Variants in HMG20A observed in about 807,000 individuals in gnomAD.
HMG20A encodes the protein high mobility group protein 20A.
HMG20A carries 17 observed loss-of-function variants against 43.9 expected under a neutral mutation model. The observed-to-expected ratio is 0.39, with a 90% CI of 0.27 to 0.58. The LOEUF (loss-of-function observed/expected upper bound fraction) is 0.58. HMG20A is among the 20% of genes least tolerant of loss of function. The probability of loss-of-function intolerance (pLI) is 0.59; values close to 1 mark genes in which losing one functional copy is unlikely to be tolerated. For missense variants in HMG20A, 341 were observed against 438.2 expected, an observed-to-expected ratio of 0.78 and a Z score of 1.98; for synonymous variants, 132 against 147.5, an observed-to-expected ratio of 0.89 and a Z score of 0.76.
chr15:77,509,600 G>T, the HMG20A span, among the ~76,000 whole-genome samples: 1 of 119,944 alleles, frequency 8.3e-6, no homozygotes, highest in African/African-American at 2.9e-5. Context: ...GTGTGTGTGT[G>T]TGTGTGTCTT....
chr15:77,519,627 G>A, the HMG20A span, among the ~76,000 whole-genome samples: 2 of 152,304 alleles, frequency 1.3e-5, no homozygotes, highest in South Asian at 4.1e-4. Flanking sequence ...GGAGCAGAAG[G>A]CAAACCCTTA....
chr15:77,514,812 G>A, the HMG20A span, among the ~76,000 whole-genome samples: 1 of 152,206 alleles, frequency 6.6e-6, no homozygotes, highest in Admixed American at 6.5e-5. Context: ...GCCCGAGTCG[G>A]GGCAGGCAGA....
chr15:77,467,387 T>C, intron 4 of HMG20A, 80 bp downstream of exon 4: 1 of 1,214,136 alleles, frequency 8.2e-7, no homozygotes, highest in South Asian at 1.4e-5. Context: ...GCAAAGAGGA[T>C]GGACAGTTGA....
At chr15:77,438,115 C>A (rs1317976028) in intron 1 of HMG20A, among the ~76,000 whole-genome samples, 4 of 151,226 alleles carry the variant, frequency 2.6e-5, no homozygotes, top group Non-Finnish European at 5.9e-5. Flanking sequence ...TACCACCACA[C>A]CAAGCTAGGT....
chr15:77,456,307 T>C (rs1399294151), intron 1 of HMG20A, among the ~76,000 whole-genome samples: 1 of 152,138 alleles, frequency 6.6e-6, no homozygotes, highest in Non-Finnish European at 1.5e-5. Flanking sequence ...TTTTGAGGCA[T>C]GGGAGCAATG....
chr15:77,475,727 C>G (rs1013728013), intron 6 of HMG20A, among the ~76,000 whole-genome samples: 2 of 152,186 alleles, frequency 1.3e-5, no homozygotes, highest in African/African-American at 4.8e-5. Context: ...TGTTTTCCTG[C>G]AGCAGCCCAG....
intron 6 of HMG20A, among the ~76,000 whole-genome samples, chr15:77,474,541 G>A (rs1054429286): frequency 2.0e-5 from 3 of 152,186 alleles, no homozygotes; most frequent in East Asian, 1.9e-4. Context: ...AAATTACAGC[G>A]TTGAAAGTAA....
chr15:77,448,519 A>C (rs576934229), intron 1 of HMG20A, among the ~76,000 whole-genome samples: 3 of 151,954 alleles, frequency 2.0e-5, no homozygotes, highest in Admixed American at 6.5e-5. Flanking sequence ...CAGACACCCC[A>C]TTTCCTTGAA....
At chr15:77,456,045 A>G (rs1321880272) in intron 1 of HMG20A, among the ~76,000 whole-genome samples, 2 of 152,212 alleles carry the variant, frequency 1.3e-5, no homozygotes, top group Non-Finnish European at 2.9e-5. Context: ...ACACTGAGAA[A>G]ATATATCTGA....
chr15:77,424,387 C>T (rs1470541724), intron 1 of HMG20A, among the ~76,000 whole-genome samples: 6 of 152,142 alleles, frequency 3.9e-5, no homozygotes, highest in Non-Finnish European at 8.8e-5. Context: ...CTGGTCTCTG[C>T]ATTTTACTGG....
chr15:77,470,971 A>G lies in HMG20A; in HGVS notation c.512A>G (p.Gln171Arg), dbSNP rs1359594835. ...ERYMKELEQY[Q>R]KTEAYKVFSR... ...TACATGAAGGAACTGGAACAGTATC[A>G]GAAAACAGAGGCCTACAAGGTCTTC... The change falls in exon 5 of 10, where the codon CAG becomes CGG. Residue 171 changes from glutamine to arginine, a missense_variant. Gln to Arg is a conservative substitution (Grantham distance 43). This residue lies in a region of HMG20A where 220 missense variants were observed against 263.6 expected (regional missense o/e 0.83). Coordinates refer to ENST00000336216, the MANE Select transcript of HMG20A (RefSeq NM_001304504.2). 1.9e-6 allele frequency: 3 copies of G among 1,613,408 alleles called. No homozygotes were observed. The highest frequency in any genetic ancestry group is 2.2e-5 in the East Asian group (1 of 44,842).
At chr15:77,519,176 C>A in the HMG20A span, among the ~76,000 whole-genome samples, 2 of 152,102 alleles carry the variant, frequency 1.3e-5, no homozygotes, top group African/African-American at 4.8e-5. Flanking sequence ...AAGAGGAAGC[C>A]CTGAGATGCT....
At chr15:77,477,686 C>A in intron 7 of HMG20A, 56 bp downstream of exon 7, 1 of 1,183,788 alleles carries the variant, frequency 8.4e-7, no homozygotes, top group Non-Finnish European at 1.3e-6. Context: ...GGACTTAGTT[C>A]TCAGAAGAAA....
At chr15:77,449,928 A>T (rs1041072793) in intron 1 of HMG20A, among the ~76,000 whole-genome samples, 1 of 151,976 alleles carries the variant, frequency 6.6e-6, no homozygotes, top group African/African-American at 2.4e-5. Context: ...TCACTGCCCT[A>T]AAAATGCCGT....
At position 77,467,129 on chromosome 15, in the gene HMG20A, G is replaced by T; in HGVS notation, c.272G>T (p.Arg91Ile). The change falls in exon 4 of 10, where the codon AGA becomes ATA. Residue 91 changes from arginine to isoleucine, a missense_variant. Arg to Ile is a moderately conservative substitution (Grantham distance 97, BLOSUM62 -3). Around this residue, in one of 3 missense-constraint regions of HMG20A, gnomAD observed 220 missense variants for 263.6 expected, o/e 0.83. Transcript: ENST00000336216. ...RSKRGGWSKG[R>I]KRKKPLRDSN... ...AAACGAGGAGGTTGGTCCAAAGGAA[G>T]AAAGAGGAAGAAACCTCTTCGAGAC... The T allele has an allele frequency of 6.2e-7, 1 of 1,613,992 alleles. No individual in the cohort carries two copies. The highest frequency in any genetic ancestry group is 8.5e-7 in the Non-Finnish European group (1 of 1,179,938).
intron 5 of HMG20A, 89 bp from the exon 6 acceptor site, chr15:77,471,693 AG>A (rs2072810345): frequency 1.3e-6 from 1 of 780,714 alleles, no homozygotes. Context: ...ATATACAAGC[AG>A]GTTTTATAGT....
chr15:77,497,682 A>AGAGAGAGAGT, the HMG20A span, among the ~76,000 whole-genome samples: 10 of 119,086 alleles, frequency 8.4e-5, no homozygotes, highest in East Asian at 7.4e-4. Flanking sequence ...AGAGAGAGAG[A>AGAGAGAGAGT]GTGTGTGTGT....
the HMG20A span, among the ~76,000 whole-genome samples, chr15:77,497,680 AGAGTGT>A: frequency 0.12 from 15,601 of 128,724 alleles, 792 homozygotes; most frequent in Middle Eastern, 0.18. Context: ...AGAGAGAGAG[AGAGTGT>A]GTGTGTGTGT....
intron 1 of HMG20A, among the ~76,000 whole-genome samples, chr15:77,456,300 T>C (rs1353298004): frequency 1.3e-5 from 2 of 152,160 alleles, no homozygotes; most frequent in Non-Finnish European, 2.9e-5. Context: ...TATCTTCTTT[T>C]GAGGCATGGG....
Sources: allele counts gnomAD v4.1 joint callset (sites outside exome capture counted in the v4.1 genomes callset), GRCh38; gene constraint gnomAD v4.1.1; regional missense constraint gnomAD v4.1.1; transcripts MANE v1.5; gene names NCBI Gene and HGNC (gene_info 2026-07-23, HGNC 2026-07-21).